USP22: variants seen among roughly 807,000 people sequenced by gnomAD.
USP22 encodes ubiquitin specific peptidase 22.
USP22 carries 22 observed loss-of-function variants against 68.1 expected under a neutral mutation model. The ratio of observed to expected loss-of-function variants is 0.32; its 90% CI spans 0.23 to 0.46. The LOEUF (loss-of-function observed/expected upper bound fraction) is 0.46, where lower values mean the gene tolerates loss of function less well. USP22 is among the 20% of genes least tolerant of loss of function. The pLI is 1.00. For missense variants in USP22, 433 were observed against 695.8 expected, an observed-to-expected ratio of 0.62 and a Z score of 4.25; for synonymous variants, 279 against 274.2, an observed-to-expected ratio of 1.02 and a Z score of -0.17.
intron 2 of USP22, among the ~76,000 whole-genome samples, 191 bp from the exon 3 acceptor site, chr17:21,021,417 G>T (rs1972155040): frequency 6.6e-6 from 1 of 152,174 alleles, no homozygotes; most frequent in South Asian, 2.1e-4. Flanking sequence ...ACTGTGTTTG[G>T]CAGCTCATGC....
At chr17:21,005,891 C>G (rs567954506) in intron 10 of USP22, among the ~76,000 whole-genome samples, 3 of 152,332 alleles carry the variant, frequency 2.0e-5, no homozygotes, top group East Asian at 3.9e-4. Flanking sequence ...CCTGGATGAT[C>G]TGCCTAGGTC....
intron 3 of USP22, among the ~76,000 whole-genome samples, chr17:21,020,398 C>T (rs1302277776): frequency 6.6e-6 from 1 of 152,146 alleles, no homozygotes; most frequent in Non-Finnish European, 1.5e-5. Flanking sequence ...AAGTGCAAAA[C>T]CCACACTGGT....
At position 21,042,883 on chromosome 17, in the gene USP22, A is replaced by G; in HGVS notation, c.-48T>C. On this transcript the variant is annotated 5_prime_UTR_variant, in exon 1 of 13. Transcript: ENST00000261497. Reference sequence around the variant, plus strand: ...GCGGGGGGCGGCGGCGAGGGAGGCGAGGACGACGCCAGCGCGGCGTGGGGG... The same window carrying G: ...GCGGGGGGCGGCGGCGAGGGAGGCGGGGACGACGCCAGCGCGGCGTGGGGG... 8.3e-7 allele frequency: 1 copy of G among 1,198,890 alleles called. No individual in the cohort carries two copies. The highest frequency in any genetic ancestry group is 1.0e-6 in the Non-Finnish European group (1 of 957,954). 74.3% of individuals were successfully genotyped at this position (1,198,890 alleles called of 1,614,324 possible).
chr17:21,018,965 G>A (rs1213684882), intron 4 of USP22, 119 bp downstream of exon 4: 1 of 1,026,434 alleles, frequency 9.7e-7, no homozygotes, highest in African/African-American at 1.6e-5. Flanking sequence ...GCACATTGAT[G>A]AGTGACAGTT....
chr17:21,033,914 A>T (rs1972323791), intron 1 of USP22, among the ~76,000 whole-genome samples: 1 of 151,988 alleles, frequency 6.6e-6, no homozygotes, highest in South Asian at 2.1e-4. Flanking sequence ...ATGCTCGGCT[A>T]ACTTTTTGTA....
rs1293893409 is a variant in USP22 at position 21,001,295 on chromosome 17, T to C, written c.*1736A>G. 6.6e-6 allele frequency: 1 copy of C among 152,232 alleles called. No individual in the cohort carries two copies. The highest frequency in any genetic ancestry group is 1.9e-4 in the East Asian group (1 of 5,194). The allele number at this position is 152,232 out of a possible 1,614,324, so 9.4% of individuals were successfully genotyped here. On this transcript the variant is annotated 3_prime_UTR_variant, in exon 13 of 13. Transcript: ENST00000261497. ...TGCCACACATGATGGTTCTGCGGGC[T>C]GTGATTGCCAAGTCCTGTGTTTTCC...
At chr17:21,016,825 T>C (rs1972088792) in intron 5 of USP22, among the ~76,000 whole-genome samples, 1 of 152,162 alleles carries the variant, frequency 6.6e-6, no homozygotes, top group Admixed American at 6.5e-5. Context: ...TAACAGTTCT[T>C]CATCTTGAGT....
chr17:21,011,874 A>G (rs973406196), intron 7 of USP22, among the ~76,000 whole-genome samples: 1 of 152,348 alleles, frequency 6.6e-6, no homozygotes, highest in South Asian at 2.1e-4. Flanking sequence ...ATCTTGAGAC[A>G]ATCTCCTACT....
intron 7 of USP22, 159 bp from the exon 8 acceptor site, chr17:21,011,468 C>T: frequency 1.1e-6 from 1 of 921,438 alleles, no homozygotes; most frequent in Non-Finnish European, 1.6e-6. Context: ...GCAGTGCTCA[C>T]ACCCAACGTG....
intron 1 of USP22, among the ~76,000 whole-genome samples, chr17:21,031,406 A>G (rs1459190061): frequency 2.0e-5 from 3 of 152,194 alleles, no homozygotes; most frequent in Non-Finnish European, 2.9e-5. Context: ...ACAACTAAAC[A>G]CAACAAGCTC....
At chr17:21,042,517 G>T in intron 1 of USP22, 148 bp downstream of exon 1, 1 of 734,846 alleles carries the variant, frequency 1.4e-6, no homozygotes, top group Non-Finnish European at 1.9e-6. Flanking sequence ...GGGGTAAAGA[G>T]AAGAGAGGGC....
At chr17:21,032,983 C>T (rs1199807713) in intron 1 of USP22, among the ~76,000 whole-genome samples, 1 of 148,514 alleles carries the variant, frequency 6.7e-6, no homozygotes, top group African/African-American at 2.5e-5. Flanking sequence ...GGCACCCTTG[C>T]AGCTCATGTT....
At chr17:21,026,131 G>A (rs547852974) in intron 2 of USP22, among the ~76,000 whole-genome samples, 18 of 152,130 alleles carry the variant, frequency 1.2e-4, no homozygotes, top group South Asian at 2.1e-4. Flanking sequence ...GTTGGTGTGC[G>A]TCTGTAAGCC....
intron 1 of USP22, among the ~76,000 whole-genome samples, chr17:21,040,939 C>G (rs1442952210): frequency 1.3e-5 from 2 of 150,136 alleles, no homozygotes; most frequent in Admixed American, 6.7e-5. Flanking sequence ...GTCTGGAGTA[C>G]AGTGGCGCGA....
intron 2 of USP22, among the ~76,000 whole-genome samples, 188 bp from the exon 3 acceptor site, chr17:21,021,414 T>C (rs1203873087): frequency 6.6e-6 from 1 of 152,186 alleles, no homozygotes; most frequent in Non-Finnish European, 1.5e-5. Context: ...TGCACTGTGT[T>C]TGGCAGCTCA....
chr17:21,043,392 A>T (rs1382627897), upstream of USP22: 3 of 282,946 alleles, frequency 1.1e-5, no homozygotes, highest in Non-Finnish European at 1.9e-5. Flanking sequence ...CCTGGCGGCT[A>T]GACGTTCCCT....
At chr17:21,028,087 G>A (rs1420715874) in intron 2 of USP22, among the ~76,000 whole-genome samples, 1 of 152,238 alleles carries the variant, frequency 6.6e-6, no homozygotes, top group Non-Finnish European at 1.5e-5. Flanking sequence ...ACAGTGCTAA[G>A]GGAGCCTTTT....
At chr17:21,029,037 T>C (rs1972257058) in intron 1 of USP22, among the ~76,000 whole-genome samples, 1 of 149,308 alleles carries the variant, frequency 6.7e-6, no homozygotes, top group Non-Finnish European at 1.5e-5. Context: ...AACCTGGACA[T>C]CATTTCAGAT....
At chr17:21,043,349 T>C (rs373596023), upstream of USP22, 190 of 135,476 alleles carry the variant, frequency 1.4e-3, 1 homozygote, top group African/African-American at 5.7e-3. Context: ...GCTCTCAGTA[T>C]AGTCCGTCTG....
Sources: gnomAD v4.1 joint callset for allele counts (sites outside exome capture counted in the v4.1 genomes callset) on GRCh38, gnomAD v4.1.1 for gene constraint, MANE v1.5 for transcripts, NCBI Gene and HGNC (gene_info 2026-07-23, HGNC 2026-07-21) for gene names.